The following SMCHD1 variants were observed in gnomAD, a reference collection of about 807,000 sequenced individuals.
SMCHD1 encodes the protein structural maintenance of chromosomes flexible hinge domain containing 1.
In SMCHD1, 78 loss-of-function variants were observed where a neutral mutation model predicts 254.7. The observed-to-expected ratio is 0.31, with a 90% CI of 0.26 to 0.37. SMCHD1 has a LOEUF of 0.37. Among genes scored for constraint, SMCHD1 ranks in the 10% least tolerant of loss-of-function variants. The probability of loss-of-function intolerance (pLI) is 1.00; values close to 1 mark genes in which losing one functional copy is unlikely to be tolerated. For missense variants in SMCHD1, 1,840 were observed against 2,408.1 expected, an observed-to-expected ratio of 0.76 and a Z score of 4.94; for synonymous variants, 766 against 794.9, an observed-to-expected ratio of 0.96 and a Z score of 0.61.
intron 12 of SMCHD1, among the ~76,000 whole-genome samples, chr18:2,703,429 G>C (rs1205481161): frequency 6.6e-6 from 1 of 152,114 alleles, no homozygotes; most frequent in African/African-American, 2.4e-5. Context: ...GGAATTAAAG[G>C]CGGAAAGGAA....
Position 2,683,015 on chromosome 18 carries a change from A to G in SMCHD1, c.639-5379A>G, listed in dbSNP as rs1410784715. Among the ~76,000 whole-genome samples, 3 of 152,302 alleles carry G rather than the reference A, an allele frequency of 2.0e-5. No individual in the cohort carries two copies. In the East Asian group the frequency reaches 5.8e-4, roughly 29 times the overall value. ...TTGCATGGGTCATTTAAGTTGAAAA[A>G]GGGATTTATGATTTTGTGCATTTCT... On this transcript the variant is annotated intron_variant, in intron 5 of 47. Transcript: ENST00000320876.
At chr18:2,793,953 TTAAG>T (rs921621952) in intron 45 of SMCHD1, among the ~76,000 whole-genome samples, 1 of 152,206 alleles carries the variant, frequency 6.6e-6, no homozygotes, top group Non-Finnish European at 1.5e-5. Flanking sequence ...CTCTGTACTC[TTAAG>T]TAATTTCTTC....
chr18:2,723,763 G>C (rs932255039), intron 20 of SMCHD1, among the ~76,000 whole-genome samples: 1 of 152,120 alleles, frequency 6.6e-6, no homozygotes, highest in African/African-American at 2.4e-5. Flanking sequence ...ATCTGCCAGA[G>C]GCAGAGAGGA....
intron 1 of SMCHD1, among the ~76,000 whole-genome samples, chr18:2,662,533 T>C (rs1402562955): frequency 6.6e-6 from 1 of 151,862 alleles, no homozygotes; most frequent in Non-Finnish European, 1.5e-5. Context: ...TAGTCCCAGC[T>C]GCTTGGGAGG....
At chr18:2,703,114 AAAAAG>A (rs2074440082) in intron 12 of SMCHD1, among the ~76,000 whole-genome samples, 1 of 152,238 alleles carries the variant, frequency 6.6e-6, no homozygotes, top group African/African-American at 2.4e-5. Flanking sequence ...AGAGAAAATT[AAAAAG>A]AAAAGTACAT....
At chr18:2,753,490 G>A (rs1416245461) in intron 34 of SMCHD1, among the ~76,000 whole-genome samples, 1 of 152,168 alleles carries the variant, frequency 6.6e-6, no homozygotes, top group Non-Finnish European at 1.5e-5. Flanking sequence ...AAATATAGAT[G>A]TGTATGTTAG....
intron 1 of SMCHD1, among the ~76,000 whole-genome samples, chr18:2,663,540 G>A (rs1280195374): frequency 3.3e-5 from 5 of 152,050 alleles, no homozygotes; most frequent in African/African-American, 1.2e-4. Context: ...TCTAAGTTAA[G>A]GTGTGGATTT....
chr18:2,659,158 C>G (rs1190327725), intron 1 of SMCHD1, among the ~76,000 whole-genome samples: 1 of 152,184 alleles, frequency 6.6e-6, no homozygotes, highest in African/African-American at 2.4e-5. Flanking sequence ...CGCTCTGTTG[C>G]CCGGGCTGGA....
At chr18:2,659,721 A>G (rs1292578020) in intron 1 of SMCHD1, among the ~76,000 whole-genome samples, 1 of 151,218 alleles carries the variant, frequency 6.6e-6, no homozygotes, top group East Asian at 1.9e-4. Flanking sequence ...GTATTTTAAT[A>G]TAAGATGTGC....
At chr18:2,763,844 C>A (rs981216864) in intron 37 of SMCHD1, 55 bp downstream of exon 37, 11 of 1,514,134 alleles carry the variant, frequency 7.3e-6, no homozygotes, top group African/African-American at 1.4e-5. Context: ...TGCTTTTAAC[C>A]ACCATATTAA....
At chr18:2,677,978 T>C (rs1288579144) in intron 5 of SMCHD1, among the ~76,000 whole-genome samples, 1 of 152,236 alleles carries the variant, frequency 6.6e-6, no homozygotes, top group Non-Finnish European at 1.5e-5. Flanking sequence ...GCATCTTAAT[T>C]GATAACAATC....
At chr18:2,786,361 G>A (rs576888533) in intron 45 of SMCHD1, among the ~76,000 whole-genome samples, 3 of 152,264 alleles carry the variant, frequency 2.0e-5, no homozygotes, top group East Asian at 3.9e-4. Context: ...TCAGCTTGAT[G>A]GATCTTCACA....
intron 47 of SMCHD1, chr18:2,800,813 T>C (rs2076347830): frequency 6.6e-6 from 1 of 152,140 alleles, no homozygotes; most frequent in Non-Finnish European, 1.5e-5. Flanking sequence ...TTAAATGTAA[T>C]TGTACAACTA....
In SMCHD1 at chr18:2,775,859, C is replaced by T. The variant is rs779008734; in HGVS notation, c.5301C>T (p.Thr1767=). ...TDAARRIYDE[T]QGRQQVLPLD... The stretch of plus-strand genomic sequence containing the variant: ...CTGCACGTCGTATCTATGATGAAAC[C>T]CAAGGTCGTCAGCAGGTGTTGCCCC... The change falls in exon 42 of 48, where the codon ACC becomes ACT. Residue 1767 remains threonine (T), a synonymous_variant. Transcript: ENST00000320876. 1.9e-6 allele frequency: 3 copies of T among 1,611,798 alleles called. No homozygotes were observed. The South Asian group carries it at 3.3e-5, about 18-fold the overall frequency.
intron 45 of SMCHD1, among the ~76,000 whole-genome samples, chr18:2,792,218 G>T (rs910619524): frequency 1.3e-5 from 2 of 152,176 alleles, no homozygotes; most frequent in Admixed American, 6.5e-5. Flanking sequence ...TAAGACAGTG[G>T]TCCCATAAGA....
At chr18:2,735,706 A>G (rs564569629) in intron 25 of SMCHD1, among the ~76,000 whole-genome samples, 2 of 152,352 alleles carry the variant, frequency 1.3e-5, no homozygotes, top group African/African-American at 4.8e-5. Flanking sequence ...CTAGGAATAC[A>G]TCTAACCAAG....
intron 29 of SMCHD1, 130 bp downstream of exon 29, chr18:2,744,058 A>C: frequency 1.4e-6 from 1 of 723,550 alleles, no homozygotes; most frequent in Non-Finnish European, 2.1e-6. Flanking sequence ...CAGTAAAAAT[A>C]ACAAAAAAGC....
intron 45 of SMCHD1, among the ~76,000 whole-genome samples, chr18:2,791,637 A>G (rs1433632886): frequency 6.6e-6 from 1 of 152,214 alleles, no homozygotes; most frequent in African/African-American, 2.4e-5. Context: ...CCTGAGAAAT[A>G]GGAATCAACC....
intron 5 of SMCHD1, among the ~76,000 whole-genome samples, chr18:2,676,094 C>T (rs991173724): frequency 2.0e-5 from 3 of 152,088 alleles, no homozygotes; most frequent in Non-Finnish European, 2.9e-5. Context: ...TTACTCCTTC[C>T]ATTTGTTTTT....
Sources: allele counts gnomAD v4.1 joint callset (sites outside exome capture counted in the v4.1 genomes callset), GRCh38; gene constraint gnomAD v4.1.1; transcripts MANE v1.5; gene names NCBI Gene and HGNC (gene_info 2026-07-23, HGNC 2026-07-21).